The following CNTNAP2 variants were observed in gnomAD, a reference collection of about 807,000 sequenced individuals.
The protein encoded by CNTNAP2 is contactin associated protein 2.
In CNTNAP2, 98 loss-of-function variants were observed where a neutral mutation model predicts 155.2. The ratio of observed to expected loss-of-function variants is 0.63; its 90% CI spans 0.54 to 0.75. The LOEUF (loss-of-function observed/expected upper bound fraction) is 0.75. Among genes scored for constraint, CNTNAP2 ranks in the 30% least tolerant of loss-of-function variants. The pLI, the probability that CNTNAP2 is intolerant of heterozygous loss-of-function variation, is 0.00. For missense variants in CNTNAP2, 1,727 were observed against 1,688.1 expected, an observed-to-expected ratio of 1.02 and a Z score of -0.40; for synonymous variants, 651 against 631.2, an observed-to-expected ratio of 1.03 and a Z score of -0.47.
chr7:148,177,573 TTTA>T (rs1287594351), intron 18 of CNTNAP2, among the ~76,000 whole-genome samples: 1 of 152,238 alleles, frequency 6.6e-6, no homozygotes, highest in Non-Finnish European at 1.5e-5. Context: ...GCAGCTGGTA[TTTA>T]TTGAGAACTT....
Position 146,267,709 on chromosome 7 carries a change from T to C in CNTNAP2, c.97+150736T>C, listed in dbSNP as rs147418977. Among the ~76,000 whole-genome samples, 25 of 152,322 alleles carry C rather than the reference T, an allele frequency of 1.6e-4. No homozygotes were observed. In the East Asian group the frequency reaches 3.9e-3, roughly 24 times the overall value. On this transcript the variant is annotated intron_variant, in intron 1 of 23. Transcript: ENST00000361727. ...ATCTGTGGATGCCTTGAACTTGGAC[T>C]TTCCAGTCTCCAGAACTGTGAGATG...
At chr7:146,685,444 C>T (rs1002608625) in intron 1 of CNTNAP2, among the ~76,000 whole-genome samples, 4 of 152,104 alleles carry the variant, frequency 2.6e-5, no homozygotes, top group African/African-American at 9.7e-5. Context: ...TTTGGTTCAT[C>T]TTTCAAGTCA....
chr7:147,375,294 T>C (rs576901416), intron 9 of CNTNAP2, among the ~76,000 whole-genome samples: 1 of 152,020 alleles, frequency 6.6e-6, no homozygotes, highest in Admixed American at 6.6e-5. Context: ...ATTTAAGAGA[T>C]GATGACAAAC....
intron 3 of CNTNAP2, among the ~76,000 whole-genome samples, chr7:146,942,910 T>TA (rs1797085188): frequency 2.0e-5 from 3 of 152,184 alleles, no homozygotes; most frequent in Admixed American, 1.3e-4. Context: ...GAATAGCTCT[T>TA]AAAGGACATT....
intron 1 of CNTNAP2, among the ~76,000 whole-genome samples, chr7:146,599,215 C>T (rs1436964165): frequency 1.3e-5 from 2 of 152,072 alleles, no homozygotes; most frequent in African/African-American, 2.4e-5. Flanking sequence ...CTTCTTCTGC[C>T]TTGAACCCAT....
intron 10 of CNTNAP2, among the ~76,000 whole-genome samples, chr7:147,471,678 T>C (rs1798217687): frequency 6.6e-6 from 1 of 152,238 alleles, no homozygotes; most frequent in Non-Finnish European, 1.5e-5. Flanking sequence ...TCAGAACTTC[T>C]TCAACCATTA....
intron 8 of CNTNAP2, among the ~76,000 whole-genome samples, chr7:147,256,719 T>C (rs1388332845): frequency 2.0e-5 from 3 of 152,008 alleles, no homozygotes; most frequent in Non-Finnish European, 4.4e-5. Flanking sequence ...TCTGAAGAGA[T>C]GGTAAGGGAA....
At chr7:146,350,839 C>T (rs998765969) in intron 1 of CNTNAP2, among the ~76,000 whole-genome samples, 9 of 152,036 alleles carry the variant, frequency 5.9e-5, no homozygotes, top group African/African-American at 2.2e-4. Flanking sequence ...CCATAGAATA[C>T]TATGCAGCCA....
chr7:148,123,351 G>A (rs555240953), intron 16 of CNTNAP2, among the ~76,000 whole-genome samples: 1 of 152,270 alleles, frequency 6.6e-6, no homozygotes, highest in Non-Finnish European at 1.5e-5. Flanking sequence ...ACTTTAGGAG[G>A]CTGAAGGGGG....
intron 4 of CNTNAP2, among the ~76,000 whole-genome samples, chr7:147,050,545 GAGA>G (rs962232942): frequency 7.2e-5 from 11 of 152,114 alleles, no homozygotes; most frequent in African/African-American, 2.7e-4. Context: ...AACATATCAG[GAGA>G]AGTTAAATAC....
chr7:147,849,718 G>A (rs111916881), intron 13 of CNTNAP2, among the ~76,000 whole-genome samples: 15 of 152,322 alleles, frequency 9.8e-5, no homozygotes, highest in African/African-American at 3.4e-4. Flanking sequence ...CAGGGACTCT[G>A]TGGACCCAGC....
At chr7:148,165,037 A>C (rs1429008112) in intron 17 of CNTNAP2, among the ~76,000 whole-genome samples, 1 of 152,160 alleles carries the variant, frequency 6.6e-6, no homozygotes, top group South Asian at 2.1e-4. Context: ...CCCGAGCCTG[A>C]TAACCCTTCC....
At chr7:146,203,382 A>G (rs1798897679) in intron 1 of CNTNAP2, among the ~76,000 whole-genome samples, 1 of 152,210 alleles carries the variant, frequency 6.6e-6, no homozygotes, top group Non-Finnish European at 1.5e-5. Context: ...AGCTGCTTAC[A>G]GAACTCAGGG....
chr7:147,513,227 A>C lies in CNTNAP2; in HGVS notation c.1777+27186A>C, dbSNP rs151318169. On this transcript the variant is annotated intron_variant, in intron 11 of 23. Transcript: ENST00000361727. Reference sequence around the variant, plus strand: ...AAACTAAAGAGGAATAAAAGACCAGATGTTTAGTTTTACTGTATTTTAAAT... The same window carrying C: ...AAACTAAAGAGGAATAAAAGACCAGCTGTTTAGTTTTACTGTATTTTAAAT... Among the ~76,000 whole-genome samples the C allele has an allele frequency of 4.6e-5, 7 of 152,294 alleles. 1 individual carries two copies. Among genetic ancestry groups the C allele is most frequent in the African/African-American group, 1.7e-4 (7 of 41,574 alleles).
chr7:148,249,226 A>G (rs1252470432), intron 20 of CNTNAP2, among the ~76,000 whole-genome samples: 2 of 152,188 alleles, frequency 1.3e-5, no homozygotes, highest in Non-Finnish European at 2.9e-5. Flanking sequence ...GATACTATCA[A>G]TGACCTTCTC....
chr7:146,596,632 A>AGAGAGAGAGAGAGAGAGAGAGAGAGG (rs1798865104), intron 1 of CNTNAP2, among the ~76,000 whole-genome samples: 1 of 149,092 alleles, frequency 6.7e-6, no homozygotes, highest in Non-Finnish European at 1.5e-5. Context: ...AGAGAGAGAG[A>AGAGAGAGAGAGAGAGAGAGAGAGAGG]GAGAGAGAAA....
chr7:147,189,301 T>A (rs553607005), intron 8 of CNTNAP2, among the ~76,000 whole-genome samples: 4 of 152,196 alleles, frequency 2.6e-5, no homozygotes, highest in Non-Finnish European at 5.9e-5. Context: ...ACGTTTTGAC[T>A]TCTTTCCACA....
intron 15 of CNTNAP2, among the ~76,000 whole-genome samples, chr7:148,076,063 T>C (rs1021998688): frequency 6.6e-6 from 1 of 152,268 alleles, no homozygotes; most frequent in African/African-American, 2.4e-5. Flanking sequence ...AAATGATAAA[T>C]CACATAATCT....
chr7:147,378,475 A>G (rs140234400), intron 9 of CNTNAP2, among the ~76,000 whole-genome samples: 1 of 152,060 alleles, frequency 6.6e-6, no homozygotes, highest in African/African-American at 2.4e-5. Flanking sequence ...GAACTGAAGG[A>G]CATTATGTTA....
Sources: allele counts gnomAD v4.1 joint callset (sites outside exome capture counted in the v4.1 genomes callset), GRCh38; gene constraint gnomAD v4.1.1; transcripts MANE v1.5; gene names NCBI Gene and HGNC (gene_info 2026-07-23, HGNC 2026-07-21).